Variants in SOAT1 observed in about 807,000 individuals in gnomAD.
The protein encoded by SOAT1 is sterol O-acyltransferase 1.
Under a neutral mutation model 69.5 loss-of-function variants are expected in SOAT1, and 55 were observed. The ratio of observed to expected loss-of-function variants is 0.79; its 90% CI spans 0.64 to 0.99. The LOEUF (loss-of-function observed/expected upper bound fraction) is 0.99, where lower values mean the gene tolerates loss of function less well. Among genes scored for constraint, SOAT1 ranks in the 50% least tolerant of loss-of-function variants. SOAT1 has a pLI of 0.00. For missense variants in SOAT1, 580 were observed against 669.3 expected, an observed-to-expected ratio of 0.87 and a Z score of 1.47; for synonymous variants, 231 against 224.7, an observed-to-expected ratio of 1.03 and a Z score of -0.25.
At chr1:179,333,862 A>G (rs1347415199) in intron 3 of SOAT1, among the ~76,000 whole-genome samples, 2 of 151,754 alleles carry the variant, frequency 1.3e-5, no homozygotes. Context: ...TTCAAGGAAG[A>G]ACTCATTTTT....
Position 179,316,020 on chromosome 1 carries a change from T to C in SOAT1, c.119-7417T>C, listed in dbSNP as rs570164087. On this transcript the variant is annotated intron_variant, in intron 2 of 15. Transcript: ENST00000367619. ...TATTTCTTAATCAGTTACCAATTTGTAAATATCTTAAATTAATCCTCTGCT... is the reference window on the plus strand; with the variant it reads ...TATTTCTTAATCAGTTACCAATTTGCAAATATCTTAAATTAATCCTCTGCT... Among the ~76,000 whole-genome samples, 3 of 152,346 alleles carry C rather than the reference T, an allele frequency of 2.0e-5. No individual in the cohort carries two copies. In the South Asian group the frequency reaches 6.2e-4, roughly 32 times the overall value.
At chr1:179,299,910 T>C (rs954829665) in intron 1 of SOAT1, among the ~76,000 whole-genome samples, 5 of 149,362 alleles carry the variant, frequency 3.3e-5, no homozygotes, top group South Asian at 2.1e-4. Context: ...CCTGCCCCCA[T>C]GCCCAGCTAA....
chr1:179,336,470 CAA>C (rs71569242), intron 4 of SOAT1, among the ~76,000 whole-genome samples: 19,854 of 79,350 alleles, frequency 0.25, 1,532 homozygotes, highest in East Asian at 0.39. Context: ...ACCCTGTCTC[CAA>C]AAAAAAAAAA....
At chr1:179,301,926 G>T (rs1011256221) in intron 1 of SOAT1, among the ~76,000 whole-genome samples, 2 of 151,588 alleles carry the variant, frequency 1.3e-5, no homozygotes, top group African/African-American at 4.9e-5. Flanking sequence ...GCTAATCTCT[G>T]CTGTCTCTGA....
intron 2 of SOAT1, among the ~76,000 whole-genome samples, chr1:179,321,662 A>G (rs767326012): frequency 1.6e-4 from 25 of 152,042 alleles, no homozygotes; most frequent in Non-Finnish European, 3.4e-4. Context: ...CTTTTAACCT[A>G]TTATTCTCTG....
At chr1:179,294,320 G>A (rs1378317642) in intron 1 of SOAT1, 1 of 152,172 alleles carries the variant, frequency 6.6e-6, no homozygotes, top group African/African-American at 2.4e-5. Context: ...GGGAAGGATG[G>A]TATTAGCAAG....
chr1:179,308,094 T>G (rs1419490613), intron 2 of SOAT1, among the ~76,000 whole-genome samples: 1 of 152,064 alleles, frequency 6.6e-6, no homozygotes, highest in Non-Finnish European at 1.5e-5. Flanking sequence ...CTGGCCTCAT[T>G]AAGGTATTAT....
In SOAT1 at chr1:179,348,255, A is replaced by G. The variant is rs1238811259; in HGVS notation, c.1215+558A>G. ...AGCTCTCTTTGAGTTGTTTTTGGCA[A>G]CACTCCAAGTCTACCACCTTTTTTC... On this transcript the variant is annotated intron_variant, in intron 12 of 15. Coordinates refer to ENST00000367619, the MANE Select transcript of SOAT1 (RefSeq NM_003101.6). 4.6e-5 allele frequency among the ~76,000 whole-genome samples: 7 copies of G among 152,192 alleles called. No individual in the cohort carries two copies. The South Asian group carries it at 8.3e-4, about 18-fold the overall frequency.
At chr1:179,321,845 TG>T (rs1310800347) in intron 2 of SOAT1, among the ~76,000 whole-genome samples, 1 of 152,150 alleles carries the variant, frequency 6.6e-6, no homozygotes, top group Non-Finnish European at 1.5e-5. Flanking sequence ...TTTGGTTAAA[TG>T]GTTTCTTGTT....
At chr1:179,324,000 A>C (rs1665697648) in intron 3 of SOAT1, among the ~76,000 whole-genome samples, 1 of 152,222 alleles carries the variant, frequency 6.6e-6, no homozygotes, top group South Asian at 2.1e-4. Flanking sequence ...TTTTTTAAAA[A>C]AACATTATAA....
At chr1:179,302,408 T>C (rs1016089303) in intron 1 of SOAT1, among the ~76,000 whole-genome samples, 5 of 152,152 alleles carry the variant, frequency 3.3e-5, no homozygotes, top group Non-Finnish European at 7.4e-5. Flanking sequence ...GTTTCCCCCA[T>C]GCTGTTCTCG....
chr1:179,327,384 A>G (rs1571431382), intron 3 of SOAT1, among the ~76,000 whole-genome samples: 1 of 152,132 alleles, frequency 6.6e-6, no homozygotes, highest in East Asian at 1.9e-4. Flanking sequence ...GCATTGCACT[A>G]GTTGTCTCCA....
At chr1:179,337,218 C>T (rs1287471968) in intron 4 of SOAT1, among the ~76,000 whole-genome samples, 1 of 152,034 alleles carries the variant, frequency 6.6e-6, no homozygotes, top group Non-Finnish European at 1.5e-5. Flanking sequence ...ATAGTTTTGA[C>T]CAATTATAGT....
chr1:179,313,570 G>A (rs978773700), intron 2 of SOAT1, among the ~76,000 whole-genome samples: 1 of 150,914 alleles, frequency 6.6e-6, no homozygotes, highest in Non-Finnish European at 1.5e-5. Context: ...ATATGTATAT[G>A]TGTGTATATA....
intron 2 of SOAT1, among the ~76,000 whole-genome samples, chr1:179,320,337 A>G (rs1210698771): frequency 6.6e-6 from 1 of 152,142 alleles, no homozygotes; most frequent in Non-Finnish European, 1.5e-5. Flanking sequence ...TCAATTATTA[A>G]TAATCATAAA....
At chr1:179,351,721 A>ATTTTTTTTTTTTTTT (rs71901753) in intron 15 of SOAT1, among the ~76,000 whole-genome samples, 8 of 106,466 alleles carry the variant, frequency 7.5e-5, no homozygotes, top group Admixed American at 3.2e-4. Flanking sequence ...GCCCCTTCTA[A>ATTTTTTTTTTTTTTT]TTTTTTTTTT....
At chr1:179,309,539 A>G (rs1665147773) in intron 2 of SOAT1, among the ~76,000 whole-genome samples, 1 of 152,206 alleles carries the variant, frequency 6.6e-6, no homozygotes. Context: ...GTCTTTTAAA[A>G]TTCCTGATTT....
chr1:179,303,053 C>A (rs1312385328), intron 2 of SOAT1, among the ~76,000 whole-genome samples: 1 of 152,076 alleles, frequency 6.6e-6, no homozygotes, highest in Non-Finnish European at 1.5e-5. Flanking sequence ...TTGCTGAGGT[C>A]CCCCGCTGGA....
chr1:179,337,365 G>A (rs1666194154), intron 4 of SOAT1, among the ~76,000 whole-genome samples: 1 of 152,200 alleles, frequency 6.6e-6, no homozygotes, highest in Non-Finnish European at 1.5e-5. Context: ...ATCAGGAAGG[G>A]TATGGTAAAC....
Sources: allele counts gnomAD v4.1 joint callset (sites outside exome capture counted in the v4.1 genomes callset), GRCh38; gene constraint gnomAD v4.1.1; transcripts MANE v1.5; gene names NCBI Gene and HGNC (gene_info 2026-07-23, HGNC 2026-07-21).